FRMD5: variants seen among roughly 807,000 people sequenced by gnomAD.
The protein encoded by FRMD5 is FERM domain-containing protein 5.
In FRMD5, 20 loss-of-function variants were observed where a neutral mutation model predicts 69.0. The ratio of observed to expected loss-of-function variants is 0.29; its 90% CI spans 0.20 to 0.42. FRMD5 has a LOEUF of 0.42. FRMD5 is among the 10% of genes least tolerant of loss of function. The probability of loss-of-function intolerance (pLI) is 1.00; values close to 1 mark genes in which losing one functional copy is unlikely to be tolerated. For synonymous variants in FRMD5, 271 were observed against 260.1 expected, an observed-to-expected ratio of 1.04 and a Z score of -0.40; for missense variants, 595 against 708.6, an observed-to-expected ratio of 0.84 and a Z score of 1.82.
intron 1 of FRMD5, among the ~76,000 whole-genome samples, chr15:43,961,168 A>G (rs983436134): frequency 6.6e-6 from 1 of 152,172 alleles, no homozygotes; most frequent in Non-Finnish European, 1.5e-5. Flanking sequence ...AAGACTAATA[A>G]AGAAGAAAAG....
intron 7 of FRMD5, 126 bp from the exon 8 acceptor site, chr15:43,892,195 A>C: frequency 8.9e-6 from 7 of 788,548 alleles, no homozygotes; most frequent in Non-Finnish European, 1.5e-5. Flanking sequence ...AAAGCATATC[A>C]TCTGGAATCA....
At chr15:44,060,312 C>T (rs567779494) in intron 1 of FRMD5, among the ~76,000 whole-genome samples, 4 of 152,208 alleles carry the variant, frequency 2.6e-5, no homozygotes, top group Non-Finnish European at 5.9e-5. Flanking sequence ...TTAGTATCCA[C>T]ACTAGGTGGA....
intron 1 of FRMD5, among the ~76,000 whole-genome samples, chr15:44,164,773 G>T (rs572701048): frequency 3.9e-5 from 6 of 152,302 alleles, no homozygotes; most frequent in Admixed American, 2.6e-4. Context: ...AACTGTCACA[G>T]TGAAGAAGCA....
chr15:44,003,394 T>C (rs903837963), intron 1 of FRMD5, among the ~76,000 whole-genome samples: 2 of 152,144 alleles, frequency 1.3e-5, no homozygotes, highest in Non-Finnish European at 2.9e-5. Context: ...CAATCACTCC[T>C]CTTAACATTC....
chr15:44,179,058 T>C (rs991841903), intron 1 of FRMD5, among the ~76,000 whole-genome samples: 2 of 152,022 alleles, frequency 1.3e-5, no homozygotes, highest in African/African-American at 4.8e-5. Context: ...CAGTATCATG[T>C]AGACTGGGAT....
chr15:43,939,028 A>ATT (rs879633615), intron 1 of FRMD5, among the ~76,000 whole-genome samples: 5 of 143,454 alleles, frequency 3.5e-5, no homozygotes, highest in Admixed American at 7.0e-5. Context: ...CATCCGGCTA[A>ATT]TTTTTTTTTT....
intron 1 of FRMD5, among the ~76,000 whole-genome samples, chr15:44,179,349 T>C (rs1381637406): frequency 1.3e-5 from 2 of 152,224 alleles, no homozygotes; most frequent in African/African-American, 4.8e-5. Flanking sequence ...TTCCAAAGTC[T>C]CTGATCCTAA....
intron 1 of FRMD5, 31 bp from the exon 2 acceptor site, chr15:43,924,340 G>C (rs2089545246): frequency 6.6e-7 from 1 of 1,509,078 alleles, no homozygotes; most frequent in East Asian, 2.3e-5. Context: ...ATTGAGAAAT[G>C]AGTGGGTTTC....
intron 4 of FRMD5, among the ~76,000 whole-genome samples, chr15:43,913,134 C>A (rs1432367561): frequency 2.6e-5 from 4 of 152,124 alleles, no homozygotes; most frequent in Non-Finnish European, 4.4e-5. Context: ...ACACTGAGAA[C>A]CACTGTCTTT....
chr15:43,913,431 G>C (rs2089326129), intron 4 of FRMD5, among the ~76,000 whole-genome samples: 1 of 152,228 alleles, frequency 6.6e-6, no homozygotes, highest in South Asian at 2.1e-4. Flanking sequence ...AGCTGCACCA[G>C]GGCTCCCCCT....
chr15:44,096,206 CAAA>C (rs1213347011), intron 1 of FRMD5, among the ~76,000 whole-genome samples: 3 of 47,900 alleles, frequency 6.3e-5, no homozygotes, highest in Middle Eastern at 0.014. Flanking sequence ...AACTCCATCT[CAAA>C]AAAAAAAAAA....
intron 1 of FRMD5, among the ~76,000 whole-genome samples, chr15:44,154,351 T>C (rs952461409): frequency 6.6e-6 from 1 of 151,740 alleles, no homozygotes; most frequent in African/African-American, 2.4e-5. Flanking sequence ...AAAAAAACCT[T>C]GGGAAAAAAC....
intron 1 of FRMD5, among the ~76,000 whole-genome samples, chr15:44,018,548 A>G (rs988958987): frequency 6.6e-6 from 1 of 152,178 alleles, no homozygotes; most frequent in Admixed American, 6.5e-5. Flanking sequence ...ATGTCCTGTC[A>G]CTAAGTTCTC....
chr15:44,057,137 A>AT (rs57462426), intron 1 of FRMD5, among the ~76,000 whole-genome samples: 7,014 of 147,006 alleles, frequency 0.048, 533 homozygotes, highest in African/African-American at 0.16. Context: ...GAACTGTTCT[A>AT]TTTTTTTTTT....
At chr15:43,931,787 G>A (rs2089680911) in intron 1 of FRMD5, among the ~76,000 whole-genome samples, 1 of 152,170 alleles carries the variant, frequency 6.6e-6, no homozygotes, top group Non-Finnish European at 1.5e-5. Flanking sequence ...TCCTGAGGTA[G>A]ACACATTTCA....
At chr15:44,163,696 G>A (rs1040785955) in intron 1 of FRMD5, among the ~76,000 whole-genome samples, 5 of 152,156 alleles carry the variant, frequency 3.3e-5, no homozygotes, top group African/African-American at 1.2e-4. Flanking sequence ...AAACGTCCAA[G>A]TATTCATTCT....
chr15:44,009,199 C>A (rs2140204175), intron 1 of FRMD5, among the ~76,000 whole-genome samples: 1 of 152,312 alleles, frequency 6.6e-6, no homozygotes, highest in Non-Finnish European at 1.5e-5. Flanking sequence ...CCTCAGCTCA[C>A]ACTATCTCTT....
chr15:43,904,837 A>G (rs1244755192), intron 6 of FRMD5, among the ~76,000 whole-genome samples: 1 of 152,188 alleles, frequency 6.6e-6, no homozygotes, highest in East Asian at 1.9e-4. Flanking sequence ...ATGCTGTTTT[A>G]TGGTATTCAG....
chr15:44,162,386 G>A lies in FRMD5; in HGVS notation c.102+32567C>T, dbSNP rs8037490. Among the ~76,000 whole-genome samples, 307 of 149,440 alleles carry A rather than the reference G, an allele frequency of 2.1e-3. 2 individuals carry two copies. The highest frequency in any genetic ancestry group is 7.2e-3 in the African/African-American group (294 of 40,884). ...CCAGTGGATGGGACTACAGGTCCACGCCACCACACCTGGCTTATTTAACTC... is the reference window on the plus strand; with the variant it reads ...CCAGTGGATGGGACTACAGGTCCACACCACCACACCTGGCTTATTTAACTC... On this transcript the variant is annotated intron_variant, in intron 1 of 13. Coordinates refer to ENST00000417257, the MANE Select transcript of FRMD5 (RefSeq NM_032892.5).
Sources: gnomAD v4.1 joint callset for allele counts (sites outside exome capture counted in the v4.1 genomes callset) on GRCh38, gnomAD v4.1.1 for gene constraint, MANE v1.5 for transcripts, NCBI Gene and HGNC (gene_info 2026-07-23, HGNC 2026-07-21) for gene names.